SLCO6A1: variants seen among roughly 807,000 people sequenced by gnomAD.
SLCO6A1 encodes the protein solute carrier organic anion transporter family member 6A1.
Under a neutral mutation model 72.7 loss-of-function variants are expected in SLCO6A1, and 65 were observed. The observed-to-expected ratio is 0.89, with a 90% CI of 0.73 to 1.10. SLCO6A1 has a LOEUF of 1.10. Ranked by LOEUF, SLCO6A1 falls within the 50% of genes least tolerant of loss-of-function variation. The pLI is 0.00. For missense variants in SLCO6A1, 874 were observed against 872.6 expected (o/e 1.00, Z -0.02); for synonymous variants, 314 against 298.2 (o/e 1.05, Z -0.55).
chr5:102,401,647 G>A (rs1747403274), intron 9 of SLCO6A1, among the ~76,000 whole-genome samples: 1 of 152,066 alleles, frequency 6.6e-6, no homozygotes, highest in Non-Finnish European at 1.5e-5. Flanking sequence ...AGTGAAAATG[G>A]TCACCAGAAA....
chr5:102,423,734 G>A (rs1748735965), intron 7 of SLCO6A1, among the ~76,000 whole-genome samples: 1 of 152,112 alleles, frequency 6.6e-6, no homozygotes, highest in Non-Finnish European at 1.5e-5. Flanking sequence ...AATTAACAAG[G>A]ATATTCAGGA....
chr5:102,493,965 C>T (rs1360693998), intron 1 of SLCO6A1, among the ~76,000 whole-genome samples: 2 of 151,940 alleles, frequency 1.3e-5, no homozygotes. Flanking sequence ...CATGGAAAAG[C>T]AAAGATCTAG....
intron 12 of SLCO6A1, among the ~76,000 whole-genome samples, chr5:102,387,944 T>C (rs1421882859): frequency 1.3e-5 from 2 of 152,168 alleles, no homozygotes; most frequent in African/African-American, 2.4e-5. Context: ...CCACATCTCA[T>C]ACCACCACGG....
chr5:102,441,651 T>C (rs1292498950), intron 6 of SLCO6A1, among the ~76,000 whole-genome samples: 2 of 152,090 alleles, frequency 1.3e-5, no homozygotes, highest in Admixed American at 6.5e-5. Flanking sequence ...AAAACTAACA[T>C]ACATGAATAT....
chr5:102,432,173 G>C (rs961855317), intron 7 of SLCO6A1, among the ~76,000 whole-genome samples: 8 of 152,156 alleles, frequency 5.3e-5, no homozygotes, highest in African/African-American at 1.9e-4. Context: ...ATATCATTCG[G>C]TCTTGCTTTT....
chr5:102,387,873 G>T (rs2112508167), intron 12 of SLCO6A1, among the ~76,000 whole-genome samples: 1 of 152,172 alleles, frequency 6.6e-6, no homozygotes, highest in East Asian at 1.9e-4. Flanking sequence ...TTATTATTCA[G>T]GAAGATCTGA....
intron 7 of SLCO6A1, among the ~76,000 whole-genome samples, chr5:102,430,555 A>G (rs1749158844): frequency 6.6e-6 from 1 of 152,132 alleles, no homozygotes; most frequent in Non-Finnish European, 1.5e-5. Flanking sequence ...TATTCAGATG[A>G]TCATGTGGTT....
intron 9 of SLCO6A1, among the ~76,000 whole-genome samples, chr5:102,402,558 T>A (rs1401316072): frequency 6.6e-6 from 1 of 152,140 alleles, no homozygotes; most frequent in Non-Finnish European, 1.5e-5. Context: ...GGCTGGCAAG[T>A]CTAATATGAA....
At chr5:102,457,411 A>T (rs1293114869) in intron 6 of SLCO6A1, among the ~76,000 whole-genome samples, 1 of 152,068 alleles carries the variant, frequency 6.6e-6, no homozygotes, top group Non-Finnish European at 1.5e-5. Context: ...TACAAGAAAA[A>T]AAAAACAACC....
At chr5:102,485,654 C>T (rs1379506142) in intron 1 of SLCO6A1, among the ~76,000 whole-genome samples, 1 of 152,182 alleles carries the variant, frequency 6.6e-6, no homozygotes, top group Non-Finnish European at 1.5e-5. Context: ...CCATGTGATT[C>T]CACTGGGAGA....
chr5:102,490,857 A>G (rs1752643027), intron 1 of SLCO6A1, among the ~76,000 whole-genome samples: 1 of 152,148 alleles, frequency 6.6e-6, no homozygotes, highest in South Asian at 2.1e-4. Flanking sequence ...AGTGAGCAGC[A>G]GTAGGATTTA....
chr5:102,458,560 T>A (rs1750864102), intron 5 of SLCO6A1, 69 bp from the exon 6 acceptor site: 1 of 957,706 alleles, frequency 1.0e-6, no homozygotes, highest in Non-Finnish European at 1.6e-6. Flanking sequence ...AAAACCTACA[T>A]ACACACCCTA....
intron 6 of SLCO6A1, among the ~76,000 whole-genome samples, chr5:102,447,037 C>T (rs1561468567): frequency 6.6e-6 from 1 of 152,194 alleles, no homozygotes; most frequent in Non-Finnish European, 1.5e-5. Flanking sequence ...CAGGTGTGAA[C>T]CACCACGCCC....
chr5:102,378,569 G>C (rs1745929672), intron 12 of SLCO6A1, among the ~76,000 whole-genome samples: 1 of 151,544 alleles, frequency 6.6e-6, no homozygotes, highest in African/African-American at 2.4e-5. Context: ...GTTTGCTCTT[G>C]AATATATTTA....
chr5:102,434,833 CA>C lies in SLCO6A1; in HGVS notation c.1276+3783del, dbSNP rs200613496. Among the ~76,000 whole-genome samples, 831 of 152,144 alleles carry C rather than the reference CA, an allele frequency of 5.5e-3. 4 individuals carry two copies. Among genetic ancestry groups the C allele is most frequent in the African/African-American group, 0.019 (798 of 41,500 alleles). ...ATTACTATTTTTTTTTCTTATTAGACAGAAGATTCCTTCTGCTTTCAAGTTA... is the reference window on the plus strand; with the variant it reads ...ATTACTATTTTTTTTTCTTATTAGACGAAGATTCCTTCTGCTTTCAAGTTA... On this transcript the variant is annotated intron_variant, in intron 7 of 13. Coordinates refer to ENST00000506729, the MANE Select transcript of SLCO6A1 (RefSeq NM_173488.5).
At chr5:102,464,306 A>G (rs1014338943) in intron 4 of SLCO6A1, among the ~76,000 whole-genome samples, 7 of 152,222 alleles carry the variant, frequency 4.6e-5, no homozygotes, top group Non-Finnish European at 1.0e-4. Context: ...TACCATATAC[A>G]AAGTTTAAGG....
chr5:102,480,060 A>AATGG (rs1752108519), intron 2 of SLCO6A1, 117 bp downstream of exon 2: 3 of 1,007,824 alleles, frequency 3.0e-6, no homozygotes, highest in Middle Eastern at 6.7e-4. Context: ...ATATAAATCA[A>AATGG]ATGGATGGAT....
intron 1 of SLCO6A1, among the ~76,000 whole-genome samples, chr5:102,486,708 T>G (rs1429334831): frequency 2.0e-5 from 3 of 152,152 alleles, no homozygotes; most frequent in Non-Finnish European, 4.4e-5. Context: ...GAATTGTTTG[T>G]GTACCAATTC....
chr5:102,373,517 T>A, intron 12 of SLCO6A1, 23 bp from the exon 13 acceptor site: 2 of 1,435,158 alleles, frequency 1.4e-6, no homozygotes, highest in Non-Finnish European at 1.8e-6. Context: ...AATGCAATGA[T>A]CAGATATGTC....
Sources: gnomAD v4.1 joint callset for allele counts (sites outside exome capture counted in the v4.1 genomes callset) on GRCh38, gnomAD v4.1.1 for gene constraint, MANE v1.5 for transcripts, NCBI Gene and HGNC (gene_info 2026-07-23, HGNC 2026-07-21) for gene names.